The following GALNT9 variants were observed in gnomAD, a reference collection of about 807,000 sequenced individuals.
GALNT9 encodes the protein GalNAc transferase 9.
In GALNT9, 47 loss-of-function variants were observed where a neutral mutation model predicts 63.1. The observed-to-expected ratio is 0.75, with a 90% confidence interval of 0.59 to 0.95. The LOEUF (loss-of-function observed/expected upper bound fraction) is 0.95. GALNT9 is among the 40% of genes least tolerant of loss of function. GALNT9 has a pLI of 0.00. For missense variants in GALNT9, 829 were observed against 874.8 expected (o/e 0.95, Z 0.66); for synonymous variants, 396 against 365.7 (o/e 1.08, Z -0.94).
At chr12:132,325,377 C>T (rs1442825967) in intron 1 of GALNT9, among the ~76,000 whole-genome samples, 1 of 152,198 alleles carries the variant, frequency 6.6e-6, no homozygotes, top group African/African-American at 2.4e-5. Flanking sequence ...CAGACACAGC[C>T]TCGCCCTCAG....
At chr12:132,274,266 C>A (rs1555241002) in intron 2 of GALNT9, 1 of 152,830 alleles carries the variant, frequency 6.5e-6, no homozygotes, top group African/African-American at 2.4e-5. Context: ...GGCTCACTCA[C>A]CTGCGCCCGG....
chr12:132,318,279 C>T (rs1555245859), intron 1 of GALNT9, among the ~76,000 whole-genome samples: 1 of 152,248 alleles, frequency 6.6e-6, no homozygotes, highest in Admixed American at 6.5e-5. Flanking sequence ...GGCGGCAGGA[C>T]GCTGACCAAG....
Position 132,286,523 on chromosome 12 carries a change from C to A in GALNT9, c.239-93G>T. The stretch of plus-strand genomic sequence containing the variant: ...CCCTCCCGCCCCTCTCCCCGACGGC[C>A]GCTTCCCCCGGTACAAGCCCAGCAA... On this transcript the variant is annotated intron_variant, in intron 1 of 10. Coordinates refer to ENST00000328957, the MANE Select transcript of GALNT9 (RefSeq NM_001122636.2). The surrounding 1 kb of genome is among the most constrained non-coding windows in gnomAD (Gnocchi z 7.4). The A allele has an allele frequency of 6.9e-7, 1 of 1,447,556 alleles. No individual in the cohort carries two copies. Among genetic ancestry groups the A allele is most frequent in the Non-Finnish European group, 9.1e-7 (1 of 1,102,668 alleles). The allele number at this position is 1,447,556 out of a possible 1,614,324, so 89.7% of individuals were successfully genotyped here. A position where few individuals can be genotyped will look rare whatever the true frequency, so the allele number is the denominator to read the frequency against.
At chr12:132,256,512 T>C (rs536444206) in intron 5 of GALNT9, among the ~76,000 whole-genome samples, 13 of 150,458 alleles carry the variant, frequency 8.6e-5, no homozygotes, top group Admixed American at 5.3e-4. Context: ...GCATGTCTCA[T>C]TTATTTTGAG....
At chr12:132,213,297 CCACTG>C (rs1430064257) in intron 6 of GALNT9, among the ~76,000 whole-genome samples, 4 of 152,212 alleles carry the variant, frequency 2.6e-5, no homozygotes, top group African/African-American at 7.2e-5. Flanking sequence ...GAAAACCCAC[CCACTG>C]CCCACCTTAA....
chr12:132,321,015 T>C (rs1868761526), intron 1 of GALNT9, among the ~76,000 whole-genome samples: 1 of 152,086 alleles, frequency 6.6e-6, no homozygotes. Context: ...GTGCCCAGGG[T>C]GGACTCTCGC....
At chr12:132,270,738 G>A (rs936611584) in intron 2 of GALNT9, among the ~76,000 whole-genome samples, 5 of 152,188 alleles carry the variant, frequency 3.3e-5, no homozygotes, top group African/African-American at 4.8e-5. Flanking sequence ...CCACAGCCAC[G>A]ACACCCTGCA....
chr12:132,291,408 GCACACGTCCACAGCA>G lies in GALNT9; in HGVS notation c.239-4993_239-4979del, dbSNP rs1566015180. Among the ~76,000 whole-genome samples, 22 of 27,568 alleles carry G rather than the reference GCACACGTCCACAGCA, an allele frequency of 8.0e-4. 1 individual carries two copies. Among genetic ancestry groups the G allele is most frequent in the African/African-American group, 3.0e-3 (17 of 5,700 alleles). The allele number at this position is 27,568 out of a possible 152,430, so 18.1% of individuals were successfully genotyped here. The stretch of plus-strand genomic sequence containing the variant: ...CGTCCACAGCACCCACGTCCACAGC[GCACACGTCCACAGCA>G]CCCACAACCACAGCGCCCACGTCCA... On this transcript the variant is annotated intron_variant, in intron 1 of 10. Coordinates refer to ENST00000328957, the MANE Select transcript of GALNT9 (RefSeq NM_001122636.2).
intron 1 of GALNT9, among the ~76,000 whole-genome samples, chr12:132,328,520 C>A (rs782118089): frequency 1.6e-4 from 25 of 152,180 alleles, no homozygotes; most frequent in South Asian, 1.2e-3. Context: ...GCACCAGCAG[C>A]CTCCCAAGTG....
chr12:132,308,311 T>G (rs1881688812), intron 1 of GALNT9, among the ~76,000 whole-genome samples: 1 of 152,196 alleles, frequency 6.6e-6, no homozygotes, highest in African/African-American at 2.4e-5. Context: ...GTGTGTCATT[T>G]TAGGCTGCCC....
intron 1 of GALNT9, among the ~76,000 whole-genome samples, chr12:132,293,745 C>T (rs562047675): frequency 1.8e-4 from 27 of 151,984 alleles, no homozygotes; most frequent in Admixed American, 7.9e-4. Context: ...AGGGCCAGAA[C>T]GAGAAGCCAG....
intron 4 of GALNT9, among the ~76,000 whole-genome samples, chr12:132,258,600 C>T (rs534438442): frequency 6.6e-5 from 10 of 152,292 alleles, no homozygotes; most frequent in Admixed American, 2.6e-4. Flanking sequence ...TCAGAGGGTG[C>T]GGCAGCTGCA....
At chr12:132,308,859 C>A (rs951375426) in intron 1 of GALNT9, among the ~76,000 whole-genome samples, 1 of 150,428 alleles carries the variant, frequency 6.6e-6, no homozygotes, top group Non-Finnish European at 1.5e-5. Context: ...GCCGCACTCA[C>A]GCCTTACCCA....
chr12:132,315,112 G>A lies in GALNT9; in HGVS notation c.238+13854C>T, dbSNP rs1555245609. 6.6e-6 allele frequency among the ~76,000 whole-genome samples: 1 copy of A among 152,164 alleles called. No homozygotes were observed. The highest frequency in any genetic ancestry group is 2.1e-4 in the South Asian group (1 of 4,820). On this transcript the variant is annotated intron_variant, in intron 1 of 10. Coordinates refer to ENST00000328957, the MANE Select transcript of GALNT9 (RefSeq NM_001122636.2). This position sits in a 1 kb window ranked among gnomAD's most constrained non-coding sequence, Gnocchi z 6.1. Reference sequence around the variant, plus strand: ...TGACGGAGGTGGCCCAGGGGGAGGTGGTGGGGCCGGGCTCTGAGTCCAGGC... The same window carrying A: ...TGACGGAGGTGGCCCAGGGGGAGGTAGTGGGGCCGGGCTCTGAGTCCAGGC...
At chr12:132,216,051 G>T (rs763896599) in intron 6 of GALNT9, among the ~76,000 whole-genome samples, 2 of 152,134 alleles carry the variant, frequency 1.3e-5, no homozygotes, top group Non-Finnish European at 2.9e-5. Flanking sequence ...CCCATCTAAT[G>T]ATAGACAGAG....
At position 132,286,361 on chromosome 12, in the gene GALNT9, A is replaced by T; in HGVS notation, c.308T>A (p.Leu103Gln). The change falls in exon 2 of 11, where the codon CTG becomes CAG. Residue 103 changes from leucine to glutamine, a missense_variant. Leu to Gln is a moderately radical substitution (Grantham distance 113, BLOSUM62 -2). Transcript: ENST00000328957. The surrounding 1 kb of genome is among the most constrained non-coding windows in gnomAD (Gnocchi z 7.4). ...TTCCGCCTCCTGGCCGTCATCACGC[A>T]GGGTGGCCGCCAAGCCACCCTGGCC... ...GLGQGGLAAT[L>Q]RDDGQEAEGK... 1 of 1,550,750 alleles carries T rather than the reference A, an allele frequency of 6.4e-7. No homozygotes were observed. Among genetic ancestry groups the T allele is most frequent in the Non-Finnish European group, 8.7e-7 (1 of 1,146,840 alleles).
chr12:132,290,749 C>A (rs1252260477), intron 1 of GALNT9, among the ~76,000 whole-genome samples: 2 of 98,194 alleles, frequency 2.0e-5, no homozygotes, highest in Admixed American at 1.8e-4. Flanking sequence ...ATCCACAGCA[C>A]CCACATCCAC....
At chr12:132,209,365 AAAAAATAAATAAATAAAT>A (rs573417943) in intron 6 of GALNT9, among the ~76,000 whole-genome samples, 2,181 of 146,878 alleles carry the variant, frequency 0.015, 43 homozygotes, top group African/African-American at 0.056. Flanking sequence ...TCTTTACTAA[AAAAAATAAATAAATAAAT>A]AAATAAAAAA....
intron 6 of GALNT9, among the ~76,000 whole-genome samples, chr12:132,209,600 A>C (rs765989534): frequency 6.6e-6 from 1 of 152,084 alleles, no homozygotes; most frequent in Admixed American, 6.5e-5. Flanking sequence ...CACCAAAACC[A>C]AGATGGCAAC....
Sources: allele counts gnomAD v4.1 joint callset (sites outside exome capture counted in the v4.1 genomes callset), GRCh38; gene constraint gnomAD v4.1.1; non-coding constraint Gnocchi (gnomAD v3.1); transcripts MANE v1.5; gene names NCBI Gene and HGNC (gene_info 2026-07-23, HGNC 2026-07-21).